Variants in SPRY3 observed in about 807,000 individuals in gnomAD.
SPRY3 encodes sprouty RTK signaling antagonist 3.
Under a neutral mutation model 20.2 loss-of-function variants are expected in SPRY3, and 15 were observed. That is an observed-to-expected ratio of 0.74 (90% CI 0.50 to 1.14). The LOEUF (loss-of-function observed/expected upper bound fraction) is 1.14, where lower values mean the gene tolerates loss of function less well. SPRY3 is among the 50% of genes most tolerant of loss of function. SPRY3 has a pLI of 0.00. For synonymous variants in SPRY3, 143 were observed against 136.5 expected (o/e 1.05, Z -0.33); for missense variants, 364 against 363.9 (o/e 1.00, Z 0.00).
chrX:155,767,218 A>G (rs918104870), intron 2 of SPRY3, among the ~76,000 whole-genome samples: 33 of 151,664 alleles, frequency 2.2e-4, no homozygotes, highest in African/African-American at 7.3e-4. Context: ...AAAGCCAACG[A>G]CACGCGGGGG....
chrX:155,614,071 G>C (rs1419930416), intron 1 of SPRY3, among the ~76,000 whole-genome samples: 1 of 111,726 alleles, frequency 9.0e-6, no homozygotes, highest in African/African-American at 3.3e-5. Context: ...AACATAAAGA[G>C]GAAAAACTAA....
intron 2 of SPRY3, among the ~76,000 whole-genome samples, chrX:155,761,609 C>T (rs941775864): frequency 7.9e-5 from 12 of 151,934 alleles, no homozygotes; most frequent in Non-Finnish European, 2.9e-5. Context: ...CTATTTTAAG[C>T]TTTTTGAGAA....
At chrX:155,754,823 T>C (rs184257) in intron 2 of SPRY3, among the ~76,000 whole-genome samples, 58,648 of 151,778 alleles carry the variant, frequency 0.39, 10,755 homozygotes, top group South Asian at 0.52. Context: ...AAATGTATTC[T>C]TATTTTATTC....
chrX:155,677,281 C>T (rs1293132608), intron 2 of SPRY3, among the ~76,000 whole-genome samples: 1 of 111,636 alleles, frequency 9.0e-6, no homozygotes, highest in African/African-American at 3.3e-5. Context: ...CATGTGAAAA[C>T]TGATGTTCTG....
chrX:155,767,227 G>A (rs191514112), intron 2 of SPRY3, among the ~76,000 whole-genome samples: 1 of 151,894 alleles, frequency 6.6e-6, no homozygotes, highest in Non-Finnish European at 1.5e-5. Flanking sequence ...GACACGCGGG[G>A]GGAGGGGGGA....
chrX:155,703,607 C>A (rs1294303966), intron 2 of SPRY3, among the ~76,000 whole-genome samples: 3 of 130,292 alleles, frequency 2.3e-5, no homozygotes, highest in Admixed American at 1.6e-4. Flanking sequence ...TTTTGTGTCT[C>A]TATTTCCTTG....
chrX:155,630,510 A>G (rs2067902595), intron 1 of SPRY3, among the ~76,000 whole-genome samples: 2 of 111,658 alleles, frequency 1.8e-5, no homozygotes, highest in African/African-American at 6.5e-5. Flanking sequence ...TTATTGGTTG[A>G]CAGTGGTGTT....
intron 1 of SPRY3, among the ~76,000 whole-genome samples, chrX:155,631,775 T>G (rs782108449): frequency 1.8e-5 from 2 of 111,878 alleles, no homozygotes; most frequent in South Asian, 7.4e-4. Context: ...TATTTTTTAT[T>G]GTTAATTTTA....
intron 2 of SPRY3, among the ~76,000 whole-genome samples, chrX:155,716,227 T>A (rs2091021462): frequency 1.3e-5 from 2 of 152,206 alleles, no homozygotes; most frequent in Admixed American, 1.3e-4. Flanking sequence ...GTTCACTGAT[T>A]CCTTCCTTTG....
At chrX:155,682,767 A>G (rs1437021878) in intron 2 of SPRY3, among the ~76,000 whole-genome samples, 1 of 112,414 alleles carries the variant, frequency 8.9e-6, no homozygotes, top group African/African-American at 3.2e-5. Flanking sequence ...TACCGCTGCT[A>G]TACATAGTGA....
chrX:155,760,105 A>T (rs909210752), intron 2 of SPRY3, among the ~76,000 whole-genome samples: 3 of 152,250 alleles, frequency 2.0e-5, no homozygotes, highest in Non-Finnish European at 4.4e-5. Flanking sequence ...CCTTGAGGGC[A>T]GAGCCATTTT....
chrX:155,712,714 C>T (rs2090995336), intron 2 of SPRY3, among the ~76,000 whole-genome samples: 1 of 151,708 alleles, frequency 6.6e-6, no homozygotes, highest in South Asian at 2.1e-4. Flanking sequence ...CTTACACCTG[C>T]CATTTTGTTA....
chrX:155,657,552 C>T (rs895151436), intron 2 of SPRY3, among the ~76,000 whole-genome samples: 11 of 112,264 alleles, frequency 9.8e-5, no homozygotes, highest in African/African-American at 6.5e-5. Context: ...CTGGGCTCCA[C>T]GGAAGTGGGA....
intron 2 of SPRY3, among the ~76,000 whole-genome samples, chrX:155,731,652 C>A (rs1204992667): frequency 6.6e-6 from 1 of 151,940 alleles, no homozygotes; most frequent in Non-Finnish European, 1.5e-5. Context: ...CAAAAGTGGA[C>A]AAATGGGATC....
chrX:155,753,427 C>G (rs1200665196), intron 2 of SPRY3, among the ~76,000 whole-genome samples: 1 of 151,862 alleles, frequency 6.6e-6, no homozygotes, highest in Non-Finnish European at 1.5e-5. Flanking sequence ...ATCAGTGCTT[C>G]GTCCTTTTGT....
chrX:155,779,582 A>C (rs1255662065), downstream of SPRY3: 1 of 167,008 alleles, frequency 6.0e-6, no homozygotes, highest in Admixed American at 6.6e-5. Flanking sequence ...ACTCCTCAAA[A>C]AGCATGTGTA....
chrX:155,648,844 T>C (rs1212725962), intron 1 of SPRY3, among the ~76,000 whole-genome samples: 1 of 111,224 alleles, frequency 9.0e-6, no homozygotes, highest in Non-Finnish European at 1.9e-5. Context: ...GCTGGTTTTT[T>C]GAAAAGATTA....
chrX:155,623,840 C>G (rs113508817), intron 1 of SPRY3, among the ~76,000 whole-genome samples: 148 of 112,312 alleles, frequency 1.3e-3, no homozygotes, highest in African/African-American at 4.6e-3. Context: ...AAAGCTCTCA[C>G]TCTAAGTGAA....
At chrX:155,774,368 C>A in exon 4 of SPRY3, 1 of 1,614,044 alleles carries the variant, frequency 6.2e-7, no homozygotes, top group Non-Finnish European at 8.5e-7. Flanking sequence ...CCTCTCCCCT[C>A]CTGCTGGCTG....
Sources: allele counts gnomAD v4.1 joint callset (sites outside exome capture counted in the v4.1 genomes callset), GRCh38; gene constraint gnomAD v4.1.1; transcripts MANE v1.5; gene names NCBI Gene and HGNC (gene_info 2026-07-23, HGNC 2026-07-21).